The following CKLF variants were observed in gnomAD, a reference collection of about 807,000 sequenced individuals.
CKLF encodes chemokine-like factor.
In CKLF, 16 loss-of-function variants were observed where a neutral mutation model predicts 12.9. The ratio of observed to expected loss-of-function variants is 1.24; its 90% CI spans 0.84 to 1.88. The LOEUF (loss-of-function observed/expected upper bound fraction) is 1.88. Among genes scored for constraint, CKLF ranks in the 40% most tolerant of loss-of-function variants. The pLI is 0.00. For synonymous variants in CKLF, 61 were observed against 69.0 expected, an observed-to-expected ratio of 0.88 and a Z score of 0.57; for missense variants, 172 against 188.5, an observed-to-expected ratio of 0.91 and a Z score of 0.51.
chr16:66,553,910 A>G (rs1407524142), intron 1 of CKLF, among the ~76,000 whole-genome samples: 1 of 152,244 alleles, frequency 6.6e-6, no homozygotes, highest in East Asian at 1.9e-4. Context: ...AGTAGCTTTC[A>G]TATCATGTAA....
chr16:66,559,802 G>A (rs1350348201), intron 2 of CKLF, among the ~76,000 whole-genome samples: 1 of 152,060 alleles, frequency 6.6e-6, no homozygotes, highest in African/African-American at 2.4e-5. Flanking sequence ...TTAGAAATGG[G>A]GTGTTATATG....
chr16:66,563,275 T>G (rs2011879575), intron 3 of CKLF, 58 bp downstream of exon 3: 11 of 1,587,236 alleles, frequency 6.9e-6, no homozygotes, highest in Non-Finnish European at 9.5e-6. Context: ...CAAATTTACT[T>G]GGAAAACAGA....
At position 66,565,991 on chromosome 16, in the gene CKLF, G is replaced by A; in HGVS notation, c.439G>A (p.Glu147Lys). 6.2e-7 allele frequency: 1 copy of A among 1,610,552 alleles called. No individual in the cohort carries two copies. Among genetic ancestry groups the A allele is most frequent in the Non-Finnish European group, 8.5e-7 (1 of 1,177,358 alleles). Residue 147 changes from glutamate to lysine, a missense_variant, in exon 4 of 4, where the codon GAA (glutamate) becomes AAA (lysine). Glu to Lys is a moderately conservative substitution (Grantham distance 56). Coordinates refer to ENST00000264001, the MANE Select transcript of CKLF (RefSeq NM_016951.4). ...SGPYQKKPVH[E>K]KKEVL ...TCCTTACCAGAAAAAGCCTGTGCAT[G>A]AAAAAAAAGAAGTTTTGTAATTTTA...
At chr16:66,557,222 G>C (rs955347348) in intron 1 of CKLF, among the ~76,000 whole-genome samples, 1 of 152,084 alleles carries the variant, frequency 6.6e-6, no homozygotes, top group African/African-American at 2.4e-5. Context: ...CCAGGCTGGA[G>C]TGCAGTGGCA....
intron 2 of CKLF, among the ~76,000 whole-genome samples, chr16:66,561,782 T>C (rs1221359263): frequency 6.6e-6 from 1 of 152,188 alleles, no homozygotes; most frequent in Non-Finnish European, 1.5e-5. Flanking sequence ...ATTACCAGGG[T>C]TTTGCAGTTT....
chr16:66,557,603 A>G (rs1390132200), intron 1 of CKLF, among the ~76,000 whole-genome samples: 1 of 152,278 alleles, frequency 6.6e-6, no homozygotes. Flanking sequence ...CAGCCAGTAT[A>G]CAGACTTTTT....
At chr16:66,565,843 T>A (rs1318382378) in intron 3 of CKLF, 43 bp from the exon 4 acceptor site, 1 of 1,598,214 alleles carries the variant, frequency 6.3e-7, no homozygotes, top group Non-Finnish European at 8.6e-7. Flanking sequence ...ATGACAGGAG[T>A]GGGGACCATG....
intron 3 of CKLF, 147 bp from the exon 4 acceptor site, chr16:66,565,739 C>G: frequency 1.4e-6 from 1 of 703,952 alleles, no homozygotes; most frequent in Non-Finnish European, 2.5e-6. Flanking sequence ...TCTCTGAAGT[C>G]TCTCCATGTT....
rs540050059 is a variant in CKLF, at chr16:66,554,514, T to C, written c.78+1721T>C. ...ACTATTCCAGGCTCTTGAAAAATAC[T>C]AGTGAAAAAAAACAAAGATCCCTGC... On this transcript the variant is annotated intron_variant, in intron 1 of 3. Transcript: ENST00000264001. Among the ~76,000 whole-genome samples the C allele has an allele frequency of 4.6e-5, 7 of 152,294 alleles. No individual in the cohort carries two copies. The South Asian group carries it at 1.2e-3, about 27-fold the overall frequency.
At chr16:66,552,868 G>A in intron 1 of CKLF, 75 bp downstream of exon 1, 2 of 1,603,588 alleles carry the variant, frequency 1.2e-6, no homozygotes, top group Non-Finnish European at 1.7e-6. Flanking sequence ...GAAGTGCAAA[G>A]CTGAACGCCT....
Position 66,560,888 on chromosome 16 carries a change from C to T in CKLF, c.238-2234C>T, listed in dbSNP as rs151077288. On this transcript the variant is annotated intron_variant, in intron 2 of 3. Transcript: ENST00000264001. ...TGACCTTTTCCAGAGGAGTTTGCCT[C>T]CAGTGGGCAAGTGACAGGAAAGTTG... is the stretch of plus-strand genomic sequence containing the variant. Among the ~76,000 whole-genome samples, 813 of 152,006 alleles carry T rather than the reference C, an allele frequency of 5.3e-3. 4 individuals are homozygous for T. Among genetic ancestry groups the T allele is most frequent in the Non-Finnish European group, 7.7e-3 (524 of 67,990 alleles).
chr16:66,552,836 G>T (rs759651100), intron 1 of CKLF, 43 bp downstream of exon 1: 308 of 1,613,386 alleles, frequency 1.9e-4, no homozygotes, highest in Non-Finnish European at 2.6e-4. Context: ...TGAAGCTGCT[G>T]GGGGGCGGGA....
chr16:66,561,395 G>A (rs1273373176), intron 2 of CKLF, among the ~76,000 whole-genome samples: 1 of 151,988 alleles, frequency 6.6e-6, no homozygotes, highest in Non-Finnish European at 1.5e-5. Context: ...TCTACTCTGT[G>A]GCATATAGAT....
At chr16:66,557,768 A>G (rs916083954) in intron 1 of CKLF, among the ~76,000 whole-genome samples, 8 of 152,214 alleles carry the variant, frequency 5.3e-5, no homozygotes, top group African/African-American at 1.7e-4. Flanking sequence ...TTGAAAGTAC[A>G]AGGGGGAACG....
At chr16:66,552,907 G>A in intron 1 of CKLF, 114 bp downstream of exon 1, 1 of 1,484,428 alleles carries the variant, frequency 6.7e-7, no homozygotes, top group South Asian at 1.2e-5. Flanking sequence ...CTTTGATCAA[G>A]ATTGAAAGGC....
rs1017227596 is a variant in CKLF, at chr16:66,565,586, C to CA, written c.334-298dup. 3 of 368,082 alleles carry CA rather than the reference C, an allele frequency of 8.2e-6. No homozygotes were observed. The Admixed American group carries it at 1.2e-4, about 15-fold the overall frequency. The allele number at this position is 368,082 out of a possible 1,614,324, so 22.8% of individuals were successfully genotyped here. A position where few individuals can be genotyped will look rare whatever the true frequency, so the allele number is the denominator to read the frequency against. On this transcript the variant is annotated intron_variant, in intron 3 of 3. Transcript: ENST00000264001. Reference sequence around the variant, plus strand: ...TCAGTAGGGCTTAAAAGAATACATGCAAGAGCAGGTCAAGAGATAAAAGCA... The same window carrying CA: ...TCAGTAGGGCTTAAAAGAATACATGCAAAGAGCAGGTCAAGAGATAAAAGCA...
chr16:66,563,108 TTG>T lies in CKLF; in HGVS notation c.238-8_238-7del. On this transcript the variant is annotated splice_polypyrimidine_tract_variant and intron_variant, in intron 2 of 3. Coordinates refer to ENST00000264001, the MANE Select transcript of CKLF (RefSeq NM_016951.4). Reference sequence around the variant, plus strand: ...AGTCTTCATGTAAGGCTCAGCTTTATTGTGTGTTTTTAGGATATTATCAACTC... The same window carrying T: ...AGTCTTCATGTAAGGCTCAGCTTTATTGTGTTTTTAGGATATTATCAACTC... The T allele has an allele frequency of 6.2e-7, 1 of 1,614,008 alleles. No homozygotes were observed. The highest frequency in any genetic ancestry group is 8.5e-7 in the Non-Finnish European group (1 of 1,179,932).
intron 2 of CKLF, among the ~76,000 whole-genome samples, chr16:66,561,479 C>A (rs1049076052): frequency 1.3e-4 from 20 of 151,594 alleles, no homozygotes; most frequent in African/African-American, 4.6e-4. Context: ...GCAGGCATAT[C>A]TTTTTTTTTC....
intron 1 of CKLF, among the ~76,000 whole-genome samples, chr16:66,557,401 C>A (rs1315502109): frequency 6.6e-6 from 1 of 152,204 alleles, no homozygotes; most frequent in Non-Finnish European, 1.5e-5. Flanking sequence ...CTCTTGACCT[C>A]AGGCGATCTG....
Sources: gnomAD v4.1 joint callset for allele counts (sites outside exome capture counted in the v4.1 genomes callset) on GRCh38, gnomAD v4.1.1 for gene constraint, MANE v1.5 for transcripts, NCBI Gene and HGNC (gene_info 2026-07-23, HGNC 2026-07-21) for gene names.